The following HECTD4 variants were observed in gnomAD, a reference collection of about 807,000 sequenced individuals.
HECTD4 encodes probable E3 ubiquitin-protein ligase HECTD4.
HECTD4 carries 114 observed loss-of-function variants against 471.5 expected under a neutral mutation model. The ratio of observed to expected loss-of-function variants is 0.24; its 90% CI spans 0.21 to 0.28. HECTD4 has a LOEUF of 0.28. Among genes scored for constraint, HECTD4 ranks in the 10% least tolerant of loss-of-function variants. The pLI is 1.00. For synonymous variants in HECTD4, 2,012 were observed against 2,256.0 expected, an observed-to-expected ratio of 0.89 and a Z score of 3.07; for missense variants, 3,866 against 5,651.5, an observed-to-expected ratio of 0.68 and a Z score of 10.13.
At chr12:112,259,708 T>C (rs543536401) in intron 18 of HECTD4, among the ~76,000 whole-genome samples, 1 of 152,206 alleles carries the variant, frequency 6.6e-6, no homozygotes, top group East Asian at 1.9e-4. Flanking sequence ...ACATGGTGCA[T>C]TTCATAGCAC....
rs61999311 is a variant in HECTD4, at chr12:112,172,683, C to T, written c.11773G>A (p.Ala3925Thr). 926 of 1,613,778 alleles carry T rather than the reference C, an allele frequency of 5.7e-4. 1 individual carries two copies. The highest frequency in any genetic ancestry group is 6.5e-4 in the Non-Finnish European group (772 of 1,179,858). ...CAGGGCCACATACTCAGGAGACAGG[C>T]CACTCTGGGGTCAGCAGCATCCGCG... ...DPADAADPRV[A>T]CLLNVPIESL... Residue 3925 changes from alanine (A) to threonine (T), a missense_variant, in exon 67 of 76, where the codon GCC (alanine) becomes ACC (threonine). By Grantham distance (58) the Ala-to-Thr change is moderately conservative. Around this residue, in one of 16 missense-constraint regions of HECTD4, gnomAD observed 715 missense variants for 1,087.6 expected, o/e 0.66. Coordinates refer to ENST00000682272, the MANE Select transcript of HECTD4 (RefSeq NM_001388303.1).
intron 41 of HECTD4, 98 bp downstream of exon 41, chr12:112,229,599 AG>A (rs2033323490): frequency 5.7e-6 from 7 of 1,234,684 alleles, no homozygotes; most frequent in Non-Finnish European, 8.0e-6. Flanking sequence ...TTTTTTGTAC[AG>A]CTGGTTGGAT....
chr12:112,376,489 G>T (rs549724208), intron 1 of HECTD4, among the ~76,000 whole-genome samples: 1 of 151,946 alleles, frequency 6.6e-6, no homozygotes, highest in Non-Finnish European at 1.5e-5. Flanking sequence ...CTCGTGATCT[G>T]CCCGCCGTGG....
intron 8 of HECTD4, among the ~76,000 whole-genome samples, chr12:112,280,846 T>C (rs2034623217): frequency 6.7e-6 from 1 of 148,764 alleles, no homozygotes; most frequent in South Asian, 2.1e-4. Flanking sequence ...TGCAGTACAA[T>C]GGAGCCATCT....
chr12:112,261,498 AAATGATGTATTT>A, intron 17 of HECTD4, 69 bp from the exon 18 acceptor site: 1 of 1,374,794 alleles, frequency 7.3e-7, no homozygotes, highest in Non-Finnish European at 1.0e-6. Context: ...TGACAACATG[AAATGATGTATTT>A]AATGATGTAT....
Position 112,237,012 on chromosome 12 carries a change from A to G in HECTD4, c.5377T>C (p.Cys1793Arg), listed in dbSNP as rs1477514139. The G allele has an allele frequency of 6.2e-7, 1 of 1,612,068 alleles. No homozygotes were observed. Among genetic ancestry groups the G allele is most frequent in the Non-Finnish European group, 8.5e-7 (1 of 1,179,268 alleles). The change falls in exon 35 of 76, where the codon TGT becomes CGT. Residue 1793 changes from cysteine (C) to arginine (R), a missense_variant. Coordinates refer to ENST00000682272, the MANE Select transcript of HECTD4 (RefSeq NM_001388303.1). ...TNHLARATECCGNQAAGNDAL... is the reference protein window; with the variant it reads ...TNHLARATECRGNQAAGNDAL... The stretch of plus-strand genomic sequence containing the variant: ...TCATTCCCAGCAGCCTGGTTGCCAC[A>G]GCACTCTGTGGCTCGGGCAAGATGG...
chr12:112,171,309 G>A (rs1198062394), intron 67 of HECTD4, 46 bp from the exon 68 acceptor site: 1 of 1,561,624 alleles, frequency 6.4e-7, no homozygotes, highest in East Asian at 2.4e-5. Flanking sequence ...CCAGGTGGCT[G>A]AGATGCCTGA....
At position 112,172,689 on chromosome 12, in the gene HECTD4, T is replaced by C. The variant is rs2031276667; in HGVS notation, c.11767A>G (p.Arg3923Gly). The C allele has an allele frequency of 1.9e-6, 3 of 1,613,940 alleles. No individual in the cohort carries two copies. The East Asian group carries it at 6.7e-5, about 36-fold the overall frequency. Residue 3923 changes from arginine (R) to glycine (G), a missense_variant, in exon 67 of 76, where the codon AGA becomes GGA. Arg to Gly is a moderately radical substitution (Grantham distance 125). Transcript: ENST00000682272. The part of the protein sequence containing the change: ...YLDPADAADP[R>G]VACLLNVPIE... ...CACATACTCAGGAGACAGGCCACTC[T>C]GGGGTCAGCAGCATCCGCGGGGTCC...
At chr12:112,308,970 A>C in intron 5 of HECTD4, 79 bp from the exon 6 acceptor site, 1 of 1,381,914 alleles carries the variant, frequency 7.2e-7, no homozygotes, top group Non-Finnish European at 9.6e-7. Flanking sequence ...GACACAAACA[A>C]CATTTTCGAC....
intron 55 of HECTD4, among the ~76,000 whole-genome samples, chr12:112,195,811 T>A (rs569981024): frequency 2.0e-5 from 3 of 152,320 alleles, no homozygotes; most frequent in African/African-American, 7.2e-5. Flanking sequence ...TTTTTTTATG[T>A]GATGAATTAG....
chr12:112,251,734 G>T (rs2033894434), intron 23 of HECTD4, among the ~76,000 whole-genome samples: 1 of 152,180 alleles, frequency 6.6e-6, no homozygotes, highest in Non-Finnish European at 1.5e-5. Context: ...AACTGGAGGG[G>T]TAAGTAGGAT....
rs1448621127 is a variant in HECTD4 at position 112,172,836 on chromosome 12, C to T, written c.11620G>A (p.Ala3874Thr). 6.2e-7 allele frequency: 1 copy of T among 1,614,002 alleles called. No individual in the cohort carries two copies. The highest frequency in any genetic ancestry group is 8.5e-7 in the Non-Finnish European group (1 of 1,179,898). ...GTCCACTTTCTTGAGGCCTTCTGTG[C>T]ATGTCGGACATCGATGCATGCGCAC... ...ERCACIDVRH[A>T]QKASRKWTLE... The change falls in exon 67 of 76, where the codon GCA (alanine) becomes ACA (threonine). Residue 3874 changes from alanine (A) to threonine (T), a missense_variant. By Grantham distance (58) the Ala-to-Thr change is moderately conservative (BLOSUM62 0). Coordinates refer to ENST00000682272, the MANE Select transcript of HECTD4 (RefSeq NM_001388303.1).
At chr12:112,261,512 A>G (rs1439112061) in intron 17 of HECTD4, 83 bp from the exon 18 acceptor site, 2 of 1,311,980 alleles carry the variant, frequency 1.5e-6, no homozygotes, top group Non-Finnish European at 2.1e-6. Context: ...GATGTATTTA[A>G]TGATGTATTT....
chr12:112,269,583 T>G, intron 13 of HECTD4, 121 bp downstream of exon 13: 1 of 1,032,622 alleles, frequency 9.7e-7, no homozygotes, highest in Non-Finnish European at 1.4e-6. Flanking sequence ...CCCCAATCCA[T>G]GAGGTCCCAA....
In HECTD4 at chr12:112,167,835, G is replaced by A. The variant is rs762963748; in HGVS notation, c.12291C>T (p.Ser4097=). The A allele has an allele frequency of 4.3e-6, 7 of 1,613,514 alleles. No individual in the cohort carries two copies. The Admixed American group carries it at 5.0e-5, about 12-fold the overall frequency. ...CTACCTTGTTCTTATTGACAGCTGAGCTGGGGCACAGCAGCAGCAGCGACA... is the reference window on the plus strand; with the variant it reads ...CTACCTTGTTCTTATTGACAGCTGAACTGGGGCACAGCAGCAGCAGCGACA... ...SSLSLLLLCP[S]SAVNKNKGKY... Residue 4097 remains serine (S), a synonymous_variant, in exon 71 of 76, where the codon AGC becomes AGT. Transcript: ENST00000682272.
At position 112,185,410 on chromosome 12, in the gene HECTD4, G is replaced by A. The variant is rs1328100295; in HGVS notation, c.9556C>T (p.His3186Tyr). 1.9e-6 allele frequency: 3 copies of A among 1,609,538 alleles called. No homozygotes were observed. Among genetic ancestry groups the A allele is most frequent in the Middle Eastern group, 1.7e-4 (1 of 6,034 alleles). ...HLLAELLRTV[H>Y]TLEQRRHPAG... Reference sequence around the variant, plus strand: ...GGGTGCCGCCTCTGCTCCAGGGTGTGCACCGTGCGCAGGAGCTCTGCCAGG... The same window carrying A: ...GGGTGCCGCCTCTGCTCCAGGGTGTACACCGTGCGCAGGAGCTCTGCCAGG... The change falls in exon 61 of 76, where the codon CAC becomes TAC. Residue 3186 changes from histidine to tyrosine, a missense_variant. By Grantham distance (83) the His-to-Tyr change is moderately conservative. This residue lies in a region of HECTD4 where 364 missense variants were observed against 413.2 expected (regional missense o/e 0.88). Coordinates refer to ENST00000682272, the MANE Select transcript of HECTD4 (RefSeq NM_001388303.1).
intron 7 of HECTD4, among the ~76,000 whole-genome samples, chr12:112,300,307 CAAAA>C (rs572345517): frequency 1.4e-5 from 1 of 69,918 alleles, no homozygotes; most frequent in Admixed American, 1.4e-4. Flanking sequence ...GATTCCATCT[CAAAA>C]AAAAAAAAAA....
intron 6 of HECTD4, 92 bp from the exon 7 acceptor site, chr12:112,306,326 T>G (rs1174451317): frequency 3.5e-5 from 38 of 1,075,130 alleles, no homozygotes. Context: ...ATGCCCAAGA[T>G]GAGAATTCAC....
chr12:112,212,399 GC>G (rs1383109228), intron 49 of HECTD4, 87 bp downstream of exon 49: 7 of 1,031,966 alleles, frequency 6.8e-6, no homozygotes, highest in Admixed American at 3.8e-5. Flanking sequence ...TACAATGAGG[GC>G]CCGTTTGCTC....
Sources: allele counts gnomAD v4.1 joint callset (sites outside exome capture counted in the v4.1 genomes callset), GRCh38; gene constraint gnomAD v4.1.1; regional missense constraint gnomAD v4.1.1; transcripts MANE v1.5; gene names NCBI Gene and HGNC (gene_info 2026-07-23, HGNC 2026-07-21).